Variants in MAPDA observed in about 807,000 individuals in gnomAD.
MAPDA encodes the protein N6,N6-dimethyl-AMP deaminase.
chr15:43,330,963 T>C, the MAPDA span: 1 of 153,324 alleles, frequency 6.5e-6, no homozygotes, highest in African/African-American at 2.4e-5. Context: ...AGGCAAGGAT[T>C]AGTTAGCTTC....
the MAPDA span, among the ~76,000 whole-genome samples, chr15:43,338,629 T>C: frequency 6.6e-6 from 1 of 152,230 alleles, no homozygotes; most frequent in African/African-American, 2.4e-5. Context: ...TGATGTACTT[T>C]GTCTGGAAAA....
At chr15:43,351,926 C>T in the MAPDA span, 6 of 1,550,922 alleles carry the variant, frequency 3.9e-6, no homozygotes, top group Non-Finnish European at 5.2e-6. Flanking sequence ...CACCTGAAGC[C>T]CAGAGTGTTA....
At chr15:43,335,841 G>A in the MAPDA span, 1 of 1,601,772 alleles carries the variant, frequency 6.2e-7, no homozygotes. Flanking sequence ...GTGTGGGGAG[G>A]TTGTGGACAT....
chr15:43,352,022 A>C, the MAPDA span: 1 of 1,418,272 alleles, frequency 7.1e-7, no homozygotes, highest in East Asian at 2.5e-5. Flanking sequence ...AAAACAGTCC[A>C]CCACTCCTTT....
chr15:43,340,243 T>C, the MAPDA span: 2 of 1,604,190 alleles, frequency 1.2e-6, no homozygotes, highest in Non-Finnish European at 1.7e-6. Context: ...ATCAATATTG[T>C]GTACGTTATC....
chr15:43,351,182 T>C, the MAPDA span: 1 of 761,412 alleles, frequency 1.3e-6, no homozygotes, highest in Non-Finnish European at 2.1e-6. Flanking sequence ...GGGGTGTGGC[T>C]GAGTATGGTG....
At chr15:43,339,586 G>A in the MAPDA span, among the ~76,000 whole-genome samples, 1 of 152,138 alleles carries the variant, frequency 6.6e-6, no homozygotes, top group Non-Finnish European at 1.5e-5. Context: ...TCACAGCTTC[G>A]CCAACCTAGC....
At chr15:43,351,171 C>G in the MAPDA span, 1 of 851,512 alleles carries the variant, frequency 1.2e-6, no homozygotes, top group Non-Finnish European at 1.8e-6. Flanking sequence ...TAGAAGGGAC[C>G]GGGGTGTGGC....
At chr15:43,345,116 A>G in the MAPDA span, among the ~76,000 whole-genome samples, 2 of 152,226 alleles carry the variant, frequency 1.3e-5, no homozygotes, top group East Asian at 3.9e-4. Flanking sequence ...GCACTTTGGG[A>G]GGCTGAGGCG....
chr15:43,330,765 G>A, the MAPDA span: 1 of 367,492 alleles, frequency 2.7e-6, no homozygotes, highest in East Asian at 4.3e-5. Context: ...GCTGTGACAT[G>A]AGTGTTAGGG....
the MAPDA span, among the ~76,000 whole-genome samples, chr15:43,337,210 A>G: frequency 6.9e-6 from 1 of 145,432 alleles, no homozygotes; most frequent in Non-Finnish European, 1.5e-5. Flanking sequence ...CGGGAGGTGG[A>G]GCTTGCGGAG....
the MAPDA span, chr15:43,330,583 C>G: frequency 9.3e-6 from 13 of 1,391,886 alleles, no homozygotes; most frequent in Non-Finnish European, 1.2e-5. Flanking sequence ...GGGAAAAAAA[C>G]CACCCATGCT....
At chr15:43,345,709 G>A in the MAPDA span, 1 of 928,990 alleles carries the variant, frequency 1.1e-6, no homozygotes, top group Admixed American at 2.4e-5. Context: ...AAAGTAAAAT[G>A]TCATGTTGTC....
chr15:43,335,583 G>A, the MAPDA span: 10 of 1,187,796 alleles, frequency 8.4e-6, no homozygotes, highest in Non-Finnish European at 1.0e-5. Context: ...ACTTTATTAT[G>A]TAGCTAAATC....
the MAPDA span, chr15:43,332,493 G>A: frequency 6.6e-6 from 1 of 152,114 alleles, no homozygotes; most frequent in African/African-American, 2.4e-5. Context: ...AATACTACTT[G>A]TTTTGCAAAG....
the MAPDA span, chr15:43,347,107 T>C: frequency 2.5e-6 from 4 of 1,605,204 alleles, no homozygotes; most frequent in Non-Finnish European, 3.4e-6. Context: ...GTAAATAATA[T>C]TGTCTTAGGC....
the MAPDA span, among the ~76,000 whole-genome samples, chr15:43,341,489 A>C: frequency 1.3e-5 from 2 of 152,254 alleles, no homozygotes; most frequent in African/African-American, 4.8e-5. Context: ...ACTCGGACTC[A>C]TGTTAAATGA....
the MAPDA span, among the ~76,000 whole-genome samples, chr15:43,337,204 A>C: frequency 3.6e-5 from 5 of 140,370 alleles, no homozygotes; most frequent in African/African-American, 1.3e-4. Flanking sequence ...TGAACCCGGG[A>C]GGTGGAGCTT....
At chr15:43,352,551 C>G in the MAPDA span, 2 of 152,012 alleles carry the variant, frequency 1.3e-5, no homozygotes, top group African/African-American at 4.8e-5. Flanking sequence ...AAACAAAAAA[C>G]CGGAAATTAG....
Sources: allele counts gnomAD v4.1 joint callset (sites outside exome capture counted in the v4.1 genomes callset), GRCh38; gene constraint gnomAD v4.1.1; transcripts MANE v1.5; gene names NCBI Gene and HGNC (gene_info 2026-07-23, HGNC 2026-07-21).